The following NCOA3 variants were observed in gnomAD, a reference collection of about 807,000 sequenced individuals.
NCOA3 encodes the protein nuclear receptor coactivator 3, also known as CBP-interacting protein.
NCOA3 carries 51 observed loss-of-function variants against 158.8 expected under a neutral mutation model. The observed-to-expected ratio is 0.32, with a 90% CI of 0.26 to 0.41. NCOA3 has a LOEUF of 0.41. NCOA3 is among the 10% of genes least tolerant of loss of function. The pLI is 1.00. For missense variants in NCOA3, 1,510 were observed against 1,746.6 expected (o/e 0.86, Z 2.41); for synonymous variants, 537 against 592.4 (o/e 0.91, Z 1.36).
intron 1 of NCOA3, among the ~76,000 whole-genome samples, chr20:47,554,790 A>G (rs1313403196): frequency 6.6e-6 from 1 of 152,184 alleles, no homozygotes; most frequent in Non-Finnish European, 1.5e-5. Flanking sequence ...GCCCAAGGTA[A>G]TTTATAGATT....
At chr20:47,612,308 A>G (rs1457707212) in intron 2 of NCOA3, among the ~76,000 whole-genome samples, 1 of 152,206 alleles carries the variant, frequency 6.6e-6, no homozygotes, top group Non-Finnish European at 1.5e-5. Flanking sequence ...AGTTTACACA[A>G]TGGTTTAGAG....
At chr20:47,572,965 G>T (rs2085317297) in intron 1 of NCOA3, among the ~76,000 whole-genome samples, 1 of 152,170 alleles carries the variant, frequency 6.6e-6, no homozygotes, top group African/African-American at 2.4e-5. Context: ...GGAATAAGGA[G>T]GCCTGAAGAG....
intron 2 of NCOA3, among the ~76,000 whole-genome samples, chr20:47,607,811 C>T (rs1479118721): frequency 6.6e-6 from 1 of 152,096 alleles, no homozygotes; most frequent in Non-Finnish European, 1.5e-5. Context: ...TTTACAAGTA[C>T]ATGTCTTTGT....
At chr20:47,633,793 G>A (rs1032705095) in intron 9 of NCOA3, among the ~76,000 whole-genome samples, 157 bp downstream of exon 9, 3 of 152,160 alleles carry the variant, frequency 2.0e-5, no homozygotes, top group Non-Finnish European at 4.4e-5. Flanking sequence ...ACCATACCTG[G>A]TTTTGTGGTT....
chr20:47,555,412 T>C (rs1019319647), intron 1 of NCOA3, among the ~76,000 whole-genome samples: 1 of 152,146 alleles, frequency 6.6e-6, no homozygotes. Flanking sequence ...TTAAGTCACT[T>C]GTTGTGGTTC....
chr20:47,515,472 CTTTTTTTT>C (rs111350575), intron 1 of NCOA3, among the ~76,000 whole-genome samples: 15 of 130,048 alleles, frequency 1.2e-4, no homozygotes, highest in Non-Finnish European at 1.6e-4. Flanking sequence ...TTCTTTCTTT[CTTTTTTTT>C]TTTTTTTTTT....
intron 2 of NCOA3, among the ~76,000 whole-genome samples, chr20:47,589,595 C>T (rs551344544): frequency 6.6e-6 from 1 of 151,964 alleles, no homozygotes; most frequent in South Asian, 2.1e-4. Context: ...AGGTTGATCT[C>T]GAGCTCCTGA....
intron 2 of NCOA3, among the ~76,000 whole-genome samples, chr20:47,619,954 C>A (rs889985372): frequency 6.6e-6 from 1 of 151,956 alleles, no homozygotes; most frequent in Non-Finnish European, 1.5e-5. Flanking sequence ...TGCCACCACG[C>A]CCAGCTAATT....
intron 1 of NCOA3, among the ~76,000 whole-genome samples, chr20:47,509,742 C>A (rs183729927): frequency 4.5e-4 from 68 of 152,202 alleles, no homozygotes; most frequent in African/African-American, 1.5e-3. Context: ...ACCCCCCCAT[C>A]TCTATTAAAA....
chr20:47,552,805 A>G (rs2084943793), intron 1 of NCOA3, among the ~76,000 whole-genome samples: 1 of 152,204 alleles, frequency 6.6e-6, no homozygotes, highest in South Asian at 2.1e-4. Flanking sequence ...TAGAGAGAAA[A>G]TCAGAGCTAT....
intron 2 of NCOA3, among the ~76,000 whole-genome samples, chr20:47,602,971 G>A (rs1021035703): frequency 2.6e-5 from 4 of 152,220 alleles, no homozygotes; most frequent in South Asian, 2.1e-4. Flanking sequence ...ATTGCAGAGC[G>A]ATAAGTTATG....
At chr20:47,545,256 A>G (rs1268530903) in intron 1 of NCOA3, among the ~76,000 whole-genome samples, 2 of 148,396 alleles carry the variant, frequency 1.3e-5, no homozygotes, top group Non-Finnish European at 3.0e-5. Flanking sequence ...GGCTCACTGC[A>G]ACCTCTGTCT....
At chr20:47,550,608 C>A (rs2084914031) in intron 1 of NCOA3, among the ~76,000 whole-genome samples, 1 of 152,098 alleles carries the variant, frequency 6.6e-6, no homozygotes. Flanking sequence ...GGAAGTTAAT[C>A]AAATTGCTCT....
At chr20:47,502,624 A>C (rs1602305051) in intron 1 of NCOA3, among the ~76,000 whole-genome samples, 1 of 149,932 alleles carries the variant, frequency 6.7e-6, no homozygotes, top group South Asian at 2.1e-4. Flanking sequence ...GCGTTTTACT[A>C]CCTCTGGTGT....
intron 1 of NCOA3, among the ~76,000 whole-genome samples, chr20:47,540,209 C>T (rs2084700587): frequency 6.6e-6 from 1 of 152,116 alleles, no homozygotes; most frequent in Non-Finnish European, 1.5e-5. Context: ...TCAACTTTGG[C>T]TTGGAGATAC....
At chr20:47,512,314 TA>T (rs1470100580) in intron 1 of NCOA3, among the ~76,000 whole-genome samples, 1 of 152,074 alleles carries the variant, frequency 6.6e-6, no homozygotes, top group Non-Finnish European at 1.5e-5. Flanking sequence ...CTCACACCTA[TA>T]ATCCCAGCAC....
intron 2 of NCOA3, among the ~76,000 whole-genome samples, chr20:47,616,784 T>C (rs548707067): frequency 5.1e-4 from 78 of 152,270 alleles, no homozygotes; most frequent in African/African-American, 1.8e-3. Context: ...AGAGGTGCAG[T>C]GGAAACTTCA....
At chr20:47,526,130 A>G (rs1238144385) in intron 1 of NCOA3, among the ~76,000 whole-genome samples, 1 of 143,230 alleles carries the variant, frequency 7.0e-6, no homozygotes, top group Non-Finnish European at 1.5e-5. Flanking sequence ...ACGGGGCGGC[A>G]GGGCAGAGGT....
At chr20:47,635,747 CTTT>C (rs1302949271) in intron 11 of NCOA3, 34 bp downstream of exon 11, 1 of 1,562,722 alleles carries the variant, frequency 6.4e-7, no homozygotes, top group African/African-American at 1.4e-5. Context: ...TATTTTTTTT[CTTT>C]TTAAGTAATT....
Sources: allele counts gnomAD v4.1 joint callset (sites outside exome capture counted in the v4.1 genomes callset), GRCh38; gene constraint gnomAD v4.1.1; transcripts MANE v1.5; gene names NCBI Gene and HGNC (gene_info 2026-07-23, HGNC 2026-07-21).